PDE1A: variants seen among roughly 807,000 people sequenced by gnomAD.
PDE1A encodes dual specificity calcium/calmodulin-dependent 3',5'-cyclic nucleotide phosphodiesterase 1A.
Under a neutral mutation model 61.7 loss-of-function variants are expected in PDE1A, and 35 were observed. The ratio of observed to expected loss-of-function variants is 0.57; its 90% confidence interval spans 0.43 to 0.75. The LOEUF is 0.75. Among genes scored for constraint, PDE1A ranks in the 30% least tolerant of loss-of-function variants. The pLI is 0.00. For missense variants in PDE1A, 597 were observed against 630.6 expected, an observed-to-expected ratio of 0.95 and a Z score of 0.57; for synonymous variants, 232 against 213.2, an observed-to-expected ratio of 1.09 and a Z score of -0.77.
chr2:182,707,723 A>G, the PDE1A span, among the ~76,000 whole-genome samples: 1 of 152,216 alleles, frequency 6.6e-6, no homozygotes, highest in Non-Finnish European at 1.5e-5. Context: ...GAAAAATAAA[A>G]TAAATCTCTC....
intron 13 of PDE1A, among the ~76,000 whole-genome samples, chr2:182,160,706 C>G (rs1470656774): frequency 6.6e-6 from 1 of 152,124 alleles, no homozygotes; most frequent in Non-Finnish European, 1.5e-5. Flanking sequence ...ACTGCTTCTT[C>G]ATCTTGCAGA....
chr2:182,274,859 T>C (rs1346503098), intron 1 of PDE1A, among the ~76,000 whole-genome samples: 2 of 152,144 alleles, frequency 1.3e-5, no homozygotes, highest in African/African-American at 4.8e-5. Context: ...AATAATTCTT[T>C]CTTTATGATA....
chr2:182,180,363 A>G (rs1311728250), intron 13 of PDE1A, among the ~76,000 whole-genome samples: 1 of 152,178 alleles, frequency 6.6e-6, no homozygotes, highest in Admixed American at 6.6e-5. Context: ...TTTTAGGTTG[A>G]AAAATTCTTA....
chr2:182,378,197 T>C (rs1380772706), intron 1 of PDE1A, among the ~76,000 whole-genome samples: 3 of 152,178 alleles, frequency 2.0e-5, no homozygotes, highest in African/African-American at 7.2e-5. Flanking sequence ...ACATGAATTA[T>C]CTCAAAAATA....
intron 1 of PDE1A, among the ~76,000 whole-genome samples, chr2:182,265,302 A>G (rs1692553247): frequency 6.6e-6 from 1 of 152,112 alleles, no homozygotes; most frequent in South Asian, 2.1e-4. Flanking sequence ...AGACTTCATA[A>G]AATAAACAAA....
the PDE1A span, among the ~76,000 whole-genome samples, chr2:182,602,616 T>C: frequency 8.5e-5 from 13 of 152,344 alleles, no homozygotes; most frequent in Middle Eastern, 3.4e-3. Flanking sequence ...TGTACTATGA[T>C]ACAATCTTAC....
chr2:182,382,220 T>A (rs555597386), intron 1 of PDE1A, among the ~76,000 whole-genome samples: 2 of 152,168 alleles, frequency 1.3e-5, no homozygotes, highest in Non-Finnish European at 2.9e-5. Context: ...TCTAATCACA[T>A]GAGTCCTTTA....
intron 1 of PDE1A, among the ~76,000 whole-genome samples, chr2:182,316,030 A>G (rs1696318737): frequency 6.6e-6 from 1 of 152,182 alleles, no homozygotes; most frequent in Middle Eastern, 3.2e-3. Context: ...GAAGTTGTGA[A>G]CTCAGAGGAG....
chr2:182,534,586 C>T, the PDE1A span, among the ~76,000 whole-genome samples: 1 of 151,392 alleles, frequency 6.6e-6, no homozygotes, highest in Non-Finnish European at 1.5e-5. Context: ...TTTTGTACCA[C>T]TTTAAAAAAA....
rs1042861973 is a variant in PDE1A at position 182,334,804 on chromosome 2, C to A, written c.54-70390G>T. ...AATCAGGCAAGAGAAAGAAATAAAG[C>A]GTATTCAAATAGGAAGAGAGGAAGT... On this transcript the variant is annotated intron_variant, in intron 1 of 13. Coordinates refer to ENST00000351439, the Ensembl canonical transcript of PDE1A. Among the ~76,000 whole-genome samples, 10 of 152,008 alleles carry A rather than the reference C, an allele frequency of 6.6e-5. 1 individual carries two copies. Among genetic ancestry groups the A allele is most frequent in the African/African-American group, 2.4e-4 (10 of 41,396 alleles).
rs148358464 is a variant in PDE1A, at chr2:182,264,878, CAT to C, written c.54-466_54-465del. The stretch of plus-strand genomic sequence containing the variant: ...ATAAAGAAAATGTGGTATATATATA[CAT>C]ATATATATATATGTATATATATACA... On this transcript the variant is annotated intron_variant, in intron 1 of 13. Transcript: ENST00000351439. Among the ~76,000 whole-genome samples the C allele has an allele frequency of 1.9e-4, 20 of 106,864 alleles. 1 individual carries two copies. The highest frequency in any genetic ancestry group is 4.1e-4 in the African/African-American group (11 of 27,056). 70.1% of individuals were successfully genotyped at this position (106,864 alleles called of 152,430 possible).
rs371940463 is a variant in PDE1A, at chr2:182,477,174, C to A, written c.101+45102G>T. ...AAGCCAATATATCCTATATTGAGAACCTATAGCAGTAAGTGTACTGCGGGG... is the reference window on the plus strand; with the variant it reads ...AAGCCAATATATCCTATATTGAGAAACTATAGCAGTAAGTGTACTGCGGGG... On this transcript the variant is annotated intron_variant, in intron 2 of 14. Coordinates refer to the PDE1A transcript ENST00000410103. Among the ~76,000 whole-genome samples, 16 of 151,864 alleles carry A rather than the reference C, an allele frequency of 1.1e-4. No individual in the cohort carries two copies. In the South Asian group the frequency reaches 3.3e-3, roughly 31 times the overall value.
At chr2:182,686,124 A>C in the PDE1A span, among the ~76,000 whole-genome samples, 1 of 152,108 alleles carries the variant, frequency 6.6e-6, no homozygotes, top group Admixed American at 6.5e-5. Flanking sequence ...TTTTCTGATC[A>C]CTCCAGAAGT....
At chr2:182,641,976 T>A in the PDE1A span, among the ~76,000 whole-genome samples, 2 of 152,166 alleles carry the variant, frequency 1.3e-5, no homozygotes, top group Non-Finnish European at 1.5e-5. Context: ...TTATTTAAAG[T>A]CACTAGAAAC....
the PDE1A span, among the ~76,000 whole-genome samples, chr2:182,688,590 AC>A: frequency 6.6e-6 from 1 of 152,344 alleles, no homozygotes; most frequent in African/African-American, 2.4e-5. Flanking sequence ...AATTGTAAAG[AC>A]CATCAAGGCT....
chr2:182,476,087 G>C (rs976344723), intron 2 of PDE1A, among the ~76,000 whole-genome samples: 1 of 151,766 alleles, frequency 6.6e-6, no homozygotes. Context: ...TTTTAAAAGG[G>C]TTATTTTTAT....
At chr2:182,565,711 G>A in the PDE1A span, among the ~76,000 whole-genome samples, 2 of 152,124 alleles carry the variant, frequency 1.3e-5, no homozygotes, top group Non-Finnish European at 2.9e-5. Flanking sequence ...TGACTCACAT[G>A]CTATTTATTA....
At chr2:182,539,453 G>A in the PDE1A span, among the ~76,000 whole-genome samples, 1 of 152,068 alleles carries the variant, frequency 6.6e-6, no homozygotes, top group African/African-American at 2.4e-5. Flanking sequence ...CCAAAGTTCT[G>A]AATATCAACC....
chr2:182,559,283 G>A, the PDE1A span, among the ~76,000 whole-genome samples: 1 of 152,074 alleles, frequency 6.6e-6, no homozygotes, highest in African/African-American at 2.4e-5. Context: ...CTGATATAAA[G>A]TGAAATCAGG....
Sources: allele counts gnomAD v4.1 joint callset (sites outside exome capture counted in the v4.1 genomes callset), GRCh38; gene constraint gnomAD v4.1.1; transcripts MANE v1.5; gene names NCBI Gene and HGNC (gene_info 2026-07-23, HGNC 2026-07-21).